The following PTPRO variants were observed in gnomAD, a reference collection of about 807,000 sequenced individuals.
PTPRO encodes the protein protein tyrosine phosphatase receptor type O.
Under a neutral mutation model 145.2 loss-of-function variants are expected in PTPRO, and 62 were observed. That is an observed-to-expected ratio of 0.43 (90% CI 0.35 to 0.53). PTPRO has a LOEUF of 0.53. Among genes scored for constraint, PTPRO ranks in the 20% least tolerant of loss-of-function variants. PTPRO has a pLI of 0.01. For missense variants in PTPRO, 1,345 were observed against 1,482.7 expected (o/e 0.91, Z 1.53); for synonymous variants, 565 against 514.7 (o/e 1.10, Z -1.32).
chr12:15,403,530 C>G (rs756033222), intron 1 of PTPRO, among the ~76,000 whole-genome samples: 1 of 152,148 alleles, frequency 6.6e-6, no homozygotes, highest in Non-Finnish European at 1.5e-5. Flanking sequence ...TTGCAGTGAG[C>G]CAAGATGGCG....
At chr12:15,330,997 G>A (rs1030937914) in intron 1 of PTPRO, among the ~76,000 whole-genome samples, 4 of 152,084 alleles carry the variant, frequency 2.6e-5, no homozygotes, top group African/African-American at 9.7e-5. Flanking sequence ...CTTGATATGA[G>A]TCTGAAGGGT....
chr12:15,346,020 C>A (rs148889899), intron 1 of PTPRO, among the ~76,000 whole-genome samples: 91 of 152,220 alleles, frequency 6.0e-4, no homozygotes, highest in African/African-American at 1.5e-3. Context: ...AGAAACTTTG[C>A]TTAATATGAT....
At chr12:15,554,812 C>A (rs1023914156) in intron 15 of PTPRO, among the ~76,000 whole-genome samples, 1 of 152,164 alleles carries the variant, frequency 6.6e-6, no homozygotes, top group African/African-American at 2.4e-5. Context: ...GTCCTTCAAT[C>A]CAATCAAGTT....
chr12:15,507,299 G>C (rs1255997514), intron 6 of PTPRO, among the ~76,000 whole-genome samples: 3 of 152,044 alleles, frequency 2.0e-5, no homozygotes, highest in Non-Finnish European at 4.4e-5. Context: ...TGTAATCCCA[G>C]CTACTCGGGA....
At chr12:15,448,502 A>G (rs891649011) in intron 1 of PTPRO, among the ~76,000 whole-genome samples, 5 of 152,140 alleles carry the variant, frequency 3.3e-5, no homozygotes, top group African/African-American at 1.2e-4. Context: ...GAGGATGGCT[A>G]TTATCAAAAT....
intron 23 of PTPRO, among the ~76,000 whole-genome samples, chr12:15,584,079 C>A (rs1944381088): frequency 6.6e-6 from 1 of 152,166 alleles, no homozygotes; most frequent in Non-Finnish European, 1.5e-5. Flanking sequence ...TTCTCTGGGG[C>A]AGAGTCTTAA....
intron 1 of PTPRO, among the ~76,000 whole-genome samples, chr12:15,458,176 C>T (rs1941222683): frequency 1.3e-5 from 2 of 152,090 alleles, no homozygotes; most frequent in African/African-American, 4.8e-5. Context: ...TTTAATATAT[C>T]ATCCTGCTCT....
At chr12:15,507,259 G>A (rs1377195558) in intron 6 of PTPRO, among the ~76,000 whole-genome samples, 4 of 151,668 alleles carry the variant, frequency 2.6e-5, no homozygotes, top group Admixed American at 6.6e-5. Context: ...CTAAAAGTAC[G>A]AATATTAGCC....
chr12:15,475,059 A>C (rs1941624380), intron 1 of PTPRO, among the ~76,000 whole-genome samples: 1 of 152,238 alleles, frequency 6.6e-6, no homozygotes, highest in Admixed American at 6.5e-5. Flanking sequence ...TGTCGTTAGC[A>C]TTTGGAAGAT....
At chr12:15,525,076 T>C in intron 11 of PTPRO, 111 bp downstream of exon 11, 1 of 1,314,718 alleles carries the variant, frequency 7.6e-7, no homozygotes, top group Non-Finnish European at 1.1e-6. Flanking sequence ...ATACCAGTTG[T>C]CTGTTTTAGG....
intron 7 of PTPRO, among the ~76,000 whole-genome samples, chr12:15,514,451 CAAAAAAAAAAAAA>C (rs71438353): frequency 7.3e-5 from 5 of 68,936 alleles, no homozygotes; most frequent in African/African-American, 2.4e-4. Flanking sequence ...GACTCTGTCT[CAAAAAAAAAAAAA>C]AAAAAAAAAG....
At chr12:15,476,114 C>T (rs1444134659) in intron 1 of PTPRO, among the ~76,000 whole-genome samples, 2 of 152,066 alleles carry the variant, frequency 1.3e-5, no homozygotes, top group Non-Finnish European at 2.9e-5. Context: ...CTGGAGACCT[C>T]GGGTGCTCTA....
chr12:15,592,845 T>A (rs1446797287), intron 25 of PTPRO, among the ~76,000 whole-genome samples: 1 of 152,222 alleles, frequency 6.6e-6, no homozygotes, highest in Non-Finnish European at 1.5e-5. Flanking sequence ...TTATCGAATA[T>A]TTTGTTTGGT....
At chr12:15,524,476 A>G (rs1442280262) in intron 10 of PTPRO, among the ~76,000 whole-genome samples, 1 of 152,190 alleles carries the variant, frequency 6.6e-6, no homozygotes, top group East Asian at 1.9e-4. Flanking sequence ...ACCTATTAAT[A>G]TTAATTGGTT....
chr12:15,496,142 G>GTTTTTTTTTTTTTTTTTTTTTT (rs71042255), intron 2 of PTPRO, among the ~76,000 whole-genome samples: 16 of 75,360 alleles, frequency 2.1e-4, no homozygotes, highest in South Asian at 5.5e-4. Flanking sequence ...TTCTTTTTTT[G>GTTTTTTTTTTTTTTTTTTTTTT]TTTTTTTTTT....
At chr12:15,465,421 T>C (rs962858046) in intron 1 of PTPRO, among the ~76,000 whole-genome samples, 5 of 152,244 alleles carry the variant, frequency 3.3e-5, no homozygotes, top group Non-Finnish European at 2.9e-5. Flanking sequence ...TTTAAGAAGA[T>C]GTTATAAATA....
chr12:15,453,154 C>T (rs747389206), intron 1 of PTPRO, among the ~76,000 whole-genome samples: 8 of 151,922 alleles, frequency 5.3e-5, no homozygotes, highest in Admixed American at 5.2e-4. Context: ...TCTGGACCGG[C>T]TAATTTTTGT....
Position 15,597,127 on chromosome 12 carries a change from CAG to C in PTPRO, c.*1058_*1059del, listed in dbSNP as rs1161621885. ...TGTCAAATGTCTCTATGGATTCTGA[CAG>C]AGATTTCTTTTTGTTTTGTTATTCT... is the stretch of plus-strand genomic sequence containing the variant. On this transcript the variant is annotated 3_prime_UTR_variant, in exon 27 of 27. Coordinates refer to ENST00000281171, the MANE Select transcript of PTPRO (RefSeq NM_030667.3). 6.6e-6 allele frequency: 1 copy of C among 152,382 alleles called. No homozygotes were observed. 9.4% of individuals were successfully genotyped at this position (152,382 alleles called of 1,614,324 possible). A position where few individuals can be genotyped will look rare whatever the true frequency, so the allele number is the denominator to read the frequency against.
chr12:15,368,156 C>A (rs775320401), intron 1 of PTPRO, among the ~76,000 whole-genome samples: 3 of 152,174 alleles, frequency 2.0e-5, no homozygotes, highest in Non-Finnish European at 4.4e-5. Context: ...CTGGTTCACT[C>A]CATTCCTGCC....
Sources: gnomAD v4.1 joint callset for allele counts (sites outside exome capture counted in the v4.1 genomes callset) on GRCh38, gnomAD v4.1.1 for gene constraint, MANE v1.5 for transcripts, NCBI Gene and HGNC (gene_info 2026-07-23, HGNC 2026-07-21) for gene names.